The following PDE3A variants were observed in gnomAD, a reference collection of about 807,000 sequenced individuals.
PDE3A encodes cGMP-inhibited 3',5'-cyclic phosphodiesterase 3A.
In PDE3A, 43 loss-of-function variants were observed where a neutral mutation model predicts 98.3. The ratio of observed to expected loss-of-function variants is 0.44; its 90% CI spans 0.34 to 0.56. The LOEUF (loss-of-function observed/expected upper bound fraction) is 0.56, where lower values mean the gene tolerates loss of function less well. Ranked by LOEUF, PDE3A falls within the 20% of genes least tolerant of loss-of-function variation. The probability of loss-of-function intolerance (pLI) is 0.01; values close to 1 mark genes in which losing one functional copy is unlikely to be tolerated. For missense variants in PDE3A, 1,427 were observed against 1,440.7 expected (o/e 0.99, Z 0.15); for synonymous variants, 663 against 567.9 (o/e 1.17, Z -2.38).
Position 20,421,957 on chromosome 12 carries a change from G to A in PDE3A, c.960+51713G>A, listed in dbSNP as rs183425941. ...TCCCAGGTAAATTGTGAAGTTTTAT[G>A]AATATAATAGTATAAATTTCCTCTA... On this transcript the variant is annotated intron_variant, in intron 1 of 15. Coordinates refer to ENST00000359062, the MANE Select transcript of PDE3A (RefSeq NM_000921.5). Among the ~76,000 whole-genome samples, 55 of 152,282 alleles carry A rather than the reference G, an allele frequency of 3.6e-4. 2 individuals are homozygous for A. Among genetic ancestry groups the A allele is most frequent in the Admixed American group, 3.6e-3 (55 of 15,294 alleles).
At chr12:20,374,393 T>C (rs1943533709) in intron 1 of PDE3A, among the ~76,000 whole-genome samples, 1 of 152,102 alleles carries the variant, frequency 6.6e-6, no homozygotes, top group South Asian at 2.1e-4. Flanking sequence ...AAGTTAAAAC[T>C]GTAGAACTGA....
At chr12:20,439,634 C>T (rs1346789225) in intron 1 of PDE3A, among the ~76,000 whole-genome samples, 1 of 152,104 alleles carries the variant, frequency 6.6e-6, no homozygotes, top group East Asian at 1.9e-4. Flanking sequence ...TGGGTGTCTG[C>T]TAAGTTTTTA....
intron 1 of PDE3A, among the ~76,000 whole-genome samples, chr12:20,418,632 G>GC (rs1944462185): frequency 6.6e-6 from 1 of 151,948 alleles, no homozygotes; most frequent in African/African-American, 2.4e-5. Context: ...CTCTCTTTCT[G>GC]TTTTTTTCCT....
At chr12:20,636,346 G>A (rs906274135) in intron 8 of PDE3A, among the ~76,000 whole-genome samples, 3 of 152,060 alleles carry the variant, frequency 2.0e-5, no homozygotes, top group African/African-American at 7.2e-5. Flanking sequence ...TTCTTTTACT[G>A]TATTTACTGT....
chr12:20,667,818 T>A (rs1177999860), intron 15 of PDE3A, among the ~76,000 whole-genome samples: 1 of 152,186 alleles, frequency 6.6e-6, no homozygotes, highest in Non-Finnish European at 1.5e-5. Flanking sequence ...GTATTGGTAT[T>A]TTAAAAATAA....
intron 8 of PDE3A, among the ~76,000 whole-genome samples, chr12:20,636,512 C>T (rs1353730182): frequency 6.6e-6 from 1 of 152,002 alleles, no homozygotes; most frequent in East Asian, 1.9e-4. Context: ...ACATGTTTCT[C>T]AAGAAACAGT....
intron 2 of PDE3A, among the ~76,000 whole-genome samples, chr12:20,568,545 C>G (rs1487066141): frequency 6.6e-6 from 1 of 151,862 alleles, no homozygotes; most frequent in Admixed American, 6.6e-5. Flanking sequence ...ATAGGAGAGG[C>G]TGTCATTTGT....
Position 20,680,288 on chromosome 12 carries a change from C to T in PDE3A, c.*17C>T. On this transcript the variant is annotated 3_prime_UTR_variant, in exon 16 of 16. Coordinates refer to ENST00000359062, the MANE Select transcript of PDE3A (RefSeq NM_000921.5). ...GACCAGTGACAATGGATAGAATGGGCTGTGTTTCCAAACAGATTGACTTGT... is the reference window on the plus strand; with the variant it reads ...GACCAGTGACAATGGATAGAATGGGTTGTGTTTCCAAACAGATTGACTTGT... 1.2e-6 allele frequency: 2 copies of T among 1,612,530 alleles called. No individual in the cohort carries two copies. Among genetic ancestry groups the T allele is most frequent in the South Asian group, 1.1e-5 (1 of 90,918 alleles).
chr12:20,497,175 A>T (rs1945935421), intron 1 of PDE3A, among the ~76,000 whole-genome samples: 1 of 152,212 alleles, frequency 6.6e-6, no homozygotes, highest in Non-Finnish European at 1.5e-5. Flanking sequence ...AAACATTCTC[A>T]TAAGATTTAA....
chr12:20,672,279 A>C (rs1178829454), intron 15 of PDE3A, among the ~76,000 whole-genome samples: 1 of 144,430 alleles, frequency 6.9e-6, no homozygotes, highest in Non-Finnish European at 1.5e-5. Flanking sequence ...TGCCCAAGGT[A>C]ATTTACAGAT....
At chr12:20,371,187 T>G (rs1943467494) in intron 1 of PDE3A, among the ~76,000 whole-genome samples, 1 of 152,194 alleles carries the variant, frequency 6.6e-6, no homozygotes, top group Admixed American at 6.5e-5. Flanking sequence ...TGAGTCTCCT[T>G]ATTATCATTA....
At chr12:20,655,063 T>C (rs1945012726) in intron 15 of PDE3A, among the ~76,000 whole-genome samples, 3 of 152,128 alleles carry the variant, frequency 2.0e-5, no homozygotes, top group Admixed American at 2.0e-4. Flanking sequence ...AAGTACATTC[T>C]AGTGGGATCA....
chr12:20,371,987 T>C (rs1943484563), intron 1 of PDE3A, among the ~76,000 whole-genome samples: 1 of 152,200 alleles, frequency 6.6e-6, no homozygotes, highest in South Asian at 2.1e-4. Flanking sequence ...AATCACAACT[T>C]GATTCCAAAT....
intron 1 of PDE3A, among the ~76,000 whole-genome samples, chr12:20,427,034 TG>T (rs561552732): frequency 8.0e-4 from 122 of 152,354 alleles, no homozygotes; most frequent in African/African-American, 2.8e-3. Context: ...AGTCTAGTTT[TG>T]AAATCTTAAG....
At chr12:20,572,514 A>G (rs1942199645) in intron 2 of PDE3A, among the ~76,000 whole-genome samples, 1 of 152,136 alleles carries the variant, frequency 6.6e-6, no homozygotes, top group African/African-American at 2.4e-5. Context: ...CTAAAGTATC[A>G]TGAAACTTTA....
chr12:20,522,858 A>C (rs1946453935), intron 1 of PDE3A, among the ~76,000 whole-genome samples: 1 of 152,136 alleles, frequency 6.6e-6, no homozygotes, highest in Non-Finnish European at 1.5e-5. Flanking sequence ...TTTATTTTAG[A>C]AAAGTTGTTT....
intron 1 of PDE3A, among the ~76,000 whole-genome samples, chr12:20,543,346 G>T (rs142458667): frequency 6.6e-6 from 1 of 151,834 alleles, no homozygotes; most frequent in Non-Finnish European, 1.5e-5. Context: ...ACCTGGAAGT[G>T]CAAGTCCTTT....
At chr12:20,372,123 C>G (rs1213263794) in intron 1 of PDE3A, among the ~76,000 whole-genome samples, 1 of 152,020 alleles carries the variant, frequency 6.6e-6, no homozygotes, top group East Asian at 1.9e-4. Context: ...TTCATTTAAC[C>G]CACACATTTT....
intron 1 of PDE3A, among the ~76,000 whole-genome samples, chr12:20,464,111 G>T (rs185657432): frequency 6.6e-6 from 1 of 152,104 alleles, no homozygotes; most frequent in African/African-American, 2.4e-5. Context: ...TCATTATTCT[G>T]CACTTGCCAC....
Sources: allele counts gnomAD v4.1 joint callset (sites outside exome capture counted in the v4.1 genomes callset), GRCh38; gene constraint gnomAD v4.1.1; transcripts MANE v1.5; gene names NCBI Gene and HGNC (gene_info 2026-07-23, HGNC 2026-07-21).